The following WDR59 variants were observed in gnomAD, a reference collection of about 807,000 sequenced individuals.
WDR59 encodes GATOR2 complex protein WDR59.
In WDR59, 100 loss-of-function variants were observed where a neutral mutation model predicts 131.2. The observed-to-expected ratio is 0.76, with a 90% CI of 0.65 to 0.90. The LOEUF (loss-of-function observed/expected upper bound fraction) is 0.90, where lower values mean the gene tolerates loss of function less well. Ranked by LOEUF, WDR59 falls within the 40% of genes least tolerant of loss-of-function variation. The pLI is 0.00. For synonymous variants in WDR59, 601 were observed against 466.2 expected (o/e 1.29, Z -3.72); for missense variants, 1,203 against 1,262.2 (o/e 0.95, Z 0.71).
intron 3 of WDR59, among the ~76,000 whole-genome samples, chr16:74,953,575 A>G (rs2033124003): frequency 6.6e-6 from 1 of 152,338 alleles, no homozygotes; most frequent in Admixed American, 6.5e-5. Context: ...CACTGTCAAG[A>G]ATGCAGAAAG....
intron 16 of WDR59, 51 bp from the exon 17 acceptor site, chr16:74,909,028 G>A (rs1192827064): frequency 1.2e-5 from 18 of 1,537,842 alleles, no homozygotes; most frequent in African/African-American, 4.1e-5. Flanking sequence ...GCTGGCCGTG[G>A]GAAATCCTGA....
chr16:74,954,874 T>A (rs527542729), intron 3 of WDR59, among the ~76,000 whole-genome samples: 19 of 152,348 alleles, frequency 1.2e-4, no homozygotes, highest in Non-Finnish European at 2.2e-4. Context: ...AGGCCACTTG[T>A]TTTATGATTT....
intron 25 of WDR59, among the ~76,000 whole-genome samples, chr16:74,874,737 A>C (rs1567677933): frequency 6.6e-6 from 1 of 152,122 alleles, no homozygotes; most frequent in Non-Finnish European, 1.5e-5. Context: ...AATTACAGGC[A>C]CCTGCCACCA....
chr16:74,983,166 G>C (rs972282539), intron 1 of WDR59, among the ~76,000 whole-genome samples: 1 of 151,960 alleles, frequency 6.6e-6, no homozygotes, highest in Non-Finnish European at 1.5e-5. Context: ...AACACAAAGA[G>C]ACTCTGTCTC....
At chr16:74,958,922 G>A (rs1263812347) in intron 2 of WDR59, among the ~76,000 whole-genome samples, 1 of 152,086 alleles carries the variant, frequency 6.6e-6, no homozygotes, top group African/African-American at 2.4e-5. Context: ...AGCCAGGCAT[G>A]GTGGTGCATG....
intron 5 of WDR59, 46 bp downstream of exon 5, chr16:74,949,672 C>G (rs1434640983): frequency 8.3e-6 from 13 of 1,575,084 alleles, no homozygotes; most frequent in Non-Finnish European, 1.0e-5. Context: ...AACAAAGGTC[C>G]CAAATCACCC....
chr16:74,930,204 G>T (rs1597736520), intron 8 of WDR59, among the ~76,000 whole-genome samples: 2 of 152,102 alleles, frequency 1.3e-5, no homozygotes, highest in East Asian at 3.9e-4. Flanking sequence ...TGATTAGAAT[G>T]TTTATAACAG....
chr16:74,978,796 A>G (rs937242816), intron 1 of WDR59, among the ~76,000 whole-genome samples: 16 of 152,162 alleles, frequency 1.1e-4, no homozygotes, highest in African/African-American at 3.9e-4. Context: ...AAAATGGAAG[A>G]AGGAAATGCT....
chr16:74,898,978 G>A (rs1336724414), intron 18 of WDR59, among the ~76,000 whole-genome samples: 1 of 152,144 alleles, frequency 6.6e-6, no homozygotes, highest in African/African-American at 2.4e-5. Context: ...TGATTCCCCT[G>A]AATATTCTTT....
chr16:74,949,843 C>G lies in WDR59; in HGVS notation c.327-45G>C, dbSNP rs1393965888. The G allele has an allele frequency of 2.5e-6, 4 of 1,589,900 alleles. No individual in the cohort carries two copies. In the South Asian group the frequency reaches 4.5e-5, roughly 18 times the overall value. ...CAGAACAAAGAAAAGGAAAAAAATT[C>G]AGAGTCCAGGTCCAAAGCACTAGCA... On this transcript the variant is annotated intron_variant, in intron 4 of 25. Transcript: ENST00000262144.
At chr16:74,894,868 C>T (rs532016582) in intron 18 of WDR59, among the ~76,000 whole-genome samples, 4 of 152,172 alleles carry the variant, frequency 2.6e-5, no homozygotes, top group African/African-American at 9.6e-5. Context: ...GATTAATGAG[C>T]GTACAATGAA....
chr16:74,920,269 C>G (rs1019286051), intron 10 of WDR59, among the ~76,000 whole-genome samples: 1 of 151,986 alleles, frequency 6.6e-6, no homozygotes, highest in Non-Finnish European at 1.5e-5. Flanking sequence ...ATGAGATATT[C>G]AACACTTTTT....
Position 74,938,400 on chromosome 16 carries a change from G to C in WDR59, c.535-134C>G, listed in dbSNP as rs2031970839. 5 of 537,776 alleles carry C rather than the reference G, an allele frequency of 9.3e-6. No individual in the cohort carries two copies. The South Asian group carries it at 1.6e-4, about 17-fold the overall frequency. The allele number at this position is 537,776 out of a possible 1,614,324, so 33.3% of individuals were successfully genotyped here. ...ACTGTCTCTACCCTACACAGACTTTGTTTGTTTTGGTTAAGCCAAACAAAA... is the reference window on the plus strand; with the variant it reads ...ACTGTCTCTACCCTACACAGACTTTCTTTGTTTTGGTTAAGCCAAACAAAA... On this transcript the variant is annotated intron_variant, in intron 7 of 25. Coordinates refer to ENST00000262144, the MANE Select transcript of WDR59 (RefSeq NM_030581.4).
chr16:74,906,313 C>CAAAAAAAAAAAAAAAAAAA (rs762288713), intron 17 of WDR59, among the ~76,000 whole-genome samples: 1,115 of 32,428 alleles, frequency 0.034, 265 homozygotes, highest in East Asian at 0.12. Context: ...GACTCCGTCT[C>CAAAAAAAAAAAAAAAAAAA]AAAAAAAAAA....
intron 7 of WDR59, among the ~76,000 whole-genome samples, chr16:74,940,382 A>G (rs951473124): frequency 2.7e-5 from 4 of 149,206 alleles, no homozygotes; most frequent in Admixed American, 1.3e-4. Flanking sequence ...CTGTCTCCCA[A>G]AAAAAAAAAA....
chr16:74,883,999 T>C (rs144293228), intron 25 of WDR59, among the ~76,000 whole-genome samples: 3 of 152,350 alleles, frequency 2.0e-5, no homozygotes, highest in African/African-American at 4.8e-5. Context: ...TCTGGGAAGC[T>C]GGTACTGCCA....
At chr16:74,982,077 A>C (rs1306056284) in intron 1 of WDR59, among the ~76,000 whole-genome samples, 1 of 147,820 alleles carries the variant, frequency 6.8e-6, no homozygotes, top group Non-Finnish European at 1.5e-5. Flanking sequence ...CAAGATACAG[A>C]GACTCCTATC....
Position 74,902,045 on chromosome 16 carries a change from G to A in WDR59, c.1866+1902C>T, listed in dbSNP as rs114058759. On this transcript the variant is annotated intron_variant, in intron 18 of 25. Coordinates refer to ENST00000262144, the MANE Select transcript of WDR59 (RefSeq NM_030581.4). Reference sequence around the variant, plus strand: ...TGGTCAAATATCAGCAATTTCGTATGATTTAAGCCAATAATCCAAGGTTTC... The same window carrying A: ...TGGTCAAATATCAGCAATTTCGTATAATTTAAGCCAATAATCCAAGGTTTC... Among the ~76,000 whole-genome samples, 1,215 of 152,246 alleles carry A rather than the reference G, an allele frequency of 8.0e-3. 14 individuals carry two copies. Among genetic ancestry groups the A allele is most frequent in the African/African-American group, 0.027 (1,139 of 41,526 alleles).
rs1435575900 is a variant in WDR59, at chr16:74,938,033, T to C, written c.651+117A>G. The C allele has an allele frequency of 7.5e-6, 5 of 663,914 alleles. No individual in the cohort carries two copies. Among genetic ancestry groups the C allele is most frequent in the Non-Finnish European group, 1.2e-5 (5 of 425,270 alleles). 41.1% of individuals were successfully genotyped at this position (663,914 alleles called of 1,614,324 possible). A position where few individuals can be genotyped will look rare whatever the true frequency, so the allele number is the denominator to read the frequency against. ...TGTGTTCAGTTGCCCAAGAAGCACA[T>C]GCACCGTGAAATACATACTGTGCTA... On this transcript the variant is annotated intron_variant, in intron 8 of 25. Coordinates refer to ENST00000262144, the MANE Select transcript of WDR59 (RefSeq NM_030581.4).
Sources: allele counts gnomAD v4.1 joint callset (sites outside exome capture counted in the v4.1 genomes callset), GRCh38; gene constraint gnomAD v4.1.1; transcripts MANE v1.5; gene names NCBI Gene and HGNC (gene_info 2026-07-23, HGNC 2026-07-21).